Variants in LRRIQ1 observed in about 807,000 individuals in gnomAD.
LRRIQ1 encodes the protein leucine rich repeats and IQ motif containing 1, also known as leucine-rich repeat- and IQ domain-containing protein 1.
In LRRIQ1, 210 loss-of-function variants were observed where a neutral mutation model predicts 211.9. That is an observed-to-expected ratio of 0.99 (90% confidence interval 0.89 to 1.11). LRRIQ1 has a LOEUF of 1.11. LRRIQ1 is among the 50% of genes most tolerant of loss of function. The pLI is 0.00. For missense variants in LRRIQ1, 2,136 were observed against 1,939.5 expected (o/e 1.10, Z -1.90); for synonymous variants, 699 against 650.1 (o/e 1.08, Z -1.14).
At chr12:85,051,632 T>C (rs1036722963) in intron 6 of LRRIQ1, among the ~76,000 whole-genome samples, 6 of 152,208 alleles carry the variant, frequency 3.9e-5, no homozygotes, top group Non-Finnish European at 8.8e-5. Flanking sequence ...AATAAACTTA[T>C]TCTGCTAGAT....
chr12:85,152,948 T>C, intron 20 of LRRIQ1, 76 bp from the exon 21 acceptor site: 1 of 1,021,400 alleles, frequency 9.8e-7, no homozygotes. Flanking sequence ...TTTGGTAATA[T>C]GCATGTAAAA....
chr12:85,256,242 C>T (rs780698488), intron 1 of LRRIQ1, among the ~76,000 whole-genome samples: 1 of 151,582 alleles, frequency 6.6e-6, no homozygotes, highest in Non-Finnish European at 1.5e-5. Context: ...AAAAATTTAA[C>T]ATTTTTTGAC....
At chr12:85,125,174 A>G (rs1888291701) in intron 17 of LRRIQ1, among the ~76,000 whole-genome samples, 1 of 152,156 alleles carries the variant, frequency 6.6e-6, no homozygotes, top group Non-Finnish European at 1.5e-5. Context: ...GCGAGACTCC[A>G]TCTCAAAAAT....
intron 8 of LRRIQ1, among the ~76,000 whole-genome samples, chr12:85,060,008 T>G (rs1881601834): frequency 6.6e-6 from 1 of 152,016 alleles, no homozygotes; most frequent in Non-Finnish European, 1.5e-5. Context: ...TAAGACTGTT[T>G]CTAATTTTAT....
intron 24 of LRRIQ1, among the ~76,000 whole-genome samples, chr12:85,205,702 G>A (rs1165706785): frequency 6.6e-6 from 1 of 152,122 alleles, no homozygotes; most frequent in Non-Finnish European, 1.5e-5. Flanking sequence ...TTTCCAAGTA[G>A]CTTGCTTTCT....
At chr12:85,081,539 A>G (rs1421478576) in intron 11 of LRRIQ1, among the ~76,000 whole-genome samples, 2 of 151,974 alleles carry the variant, frequency 1.3e-5, no homozygotes, top group African/African-American at 2.4e-5. Context: ...AATTAAAAGT[A>G]CACACTTAAT....
intron 26 of LRRIQ1, 49 bp from the exon 27 acceptor site, chr12:85,244,740 T>A: frequency 1.3e-6 from 2 of 1,520,712 alleles, no homozygotes; most frequent in Non-Finnish European, 1.8e-6. Flanking sequence ...ATTCAGAAAA[T>A]GCCATATTTT....
At chr12:85,049,464 A>C (rs895862566) in intron 6 of LRRIQ1, among the ~76,000 whole-genome samples, 1 of 151,920 alleles carries the variant, frequency 6.6e-6, no homozygotes, top group Non-Finnish European at 1.5e-5. Context: ...TTCCTCCTCT[A>C]CTTTATATTT....
At chr12:85,161,446 A>G (rs866953430) in intron 24 of LRRIQ1, among the ~76,000 whole-genome samples, 10 of 151,902 alleles carry the variant, frequency 6.6e-5, no homozygotes, top group Non-Finnish European at 1.3e-4. Flanking sequence ...TTTTAGTATA[A>G]GTTTTTTATA....
At chr12:85,192,101 G>A (rs986304131) in intron 24 of LRRIQ1, among the ~76,000 whole-genome samples, 11 of 151,590 alleles carry the variant, frequency 7.3e-5, no homozygotes, top group Admixed American at 4.0e-4. Context: ...CAGGTAATAA[G>A]TGTAAGTATT....
At position 85,055,583 on chromosome 12, in the gene LRRIQ1, G is replaced by A. The variant is rs1197729776; in HGVS notation, c.790G>A (p.Glu264Lys). 1.3e-6 allele frequency: 2 copies of A among 1,552,612 alleles called. No homozygotes were observed. Among genetic ancestry groups the A allele is most frequent in the Admixed American group, 2.2e-5 (1 of 44,684 alleles). Residue 264 changes from glutamate (E) to lysine (K), a missense_variant, in exon 8 of 27, where the codon GAA becomes AAA. By Grantham distance (56) the Glu-to-Lys change is moderately conservative. Transcript: ENST00000393217. ...IRNLHLQMEE[E>K]RTRFKDQQEK... ...AAACTTGCATTTACAAATGGAAGAA[G>A]AAAGAACAAGATTTAAAGACCAACA...
intron 24 of LRRIQ1, among the ~76,000 whole-genome samples, chr12:85,228,170 A>G (rs1472308180): frequency 1.3e-5 from 2 of 152,184 alleles, no homozygotes; most frequent in Non-Finnish European, 2.9e-5. Context: ...AAATTGACCA[A>G]TGGGATCTAA....
chr12:85,094,342 A>C (rs996711569), intron 11 of LRRIQ1, among the ~76,000 whole-genome samples: 1 of 152,116 alleles, frequency 6.6e-6, no homozygotes, highest in Non-Finnish European at 1.5e-5. Context: ...TATATACTAA[A>C]ATGTAATAAT....
At chr12:85,085,939 C>G (rs1241318727) in intron 11 of LRRIQ1, among the ~76,000 whole-genome samples, 1 of 152,112 alleles carries the variant, frequency 6.6e-6, no homozygotes, top group Non-Finnish European at 1.5e-5. Flanking sequence ...ATTTACTTTC[C>G]TTTAACTATA....
At chr12:85,040,434 CA>C in intron 2 of LRRIQ1, 55 bp from the exon 3 acceptor site, 1 of 1,069,510 alleles carries the variant, frequency 9.4e-7, no homozygotes, top group Non-Finnish European at 1.3e-6. Flanking sequence ...CAAAATTTGA[CA>C]CATAATTTTG....
At chr12:85,096,746 T>C (rs1238023908) in intron 11 of LRRIQ1, among the ~76,000 whole-genome samples, 1 of 152,220 alleles carries the variant, frequency 6.6e-6, no homozygotes, top group Non-Finnish European at 1.5e-5. Context: ...ATCTGTCTAA[T>C]GCTATCCATG....
At position 85,098,947 on chromosome 12, in the gene LRRIQ1, T is replaced by C. The variant is rs781507342; in HGVS notation, c.3162T>C (p.Ser1054=). Residue 1054 remains serine (S), a synonymous_variant, in exon 13 of 27, where the codon TCT becomes TCC. Transcript: ENST00000393217. The part of the protein sequence containing the change: ...DNSISTVEAF[S]SYWLPLLQNI... ...GCATTTCAACTGTGGAAGCATTTTC[T>C]TCATACTGGCTGCCTTTACTACAAA... The C allele has an allele frequency of 3.2e-6, 5 of 1,576,078 alleles. No homozygotes were observed. The highest frequency in any genetic ancestry group is 4.3e-6 in the Non-Finnish European group (5 of 1,158,544).
intron 24 of LRRIQ1, among the ~76,000 whole-genome samples, chr12:85,209,569 CATCTGAGT>C (rs1443860421): frequency 3.9e-5 from 6 of 152,160 alleles, no homozygotes; most frequent in Non-Finnish European, 8.8e-5. Context: ...TTTGTAAGTT[CATCTGAGT>C]ATAGCTACAG....
At chr12:85,188,173 C>A (rs1379822154) in intron 24 of LRRIQ1, among the ~76,000 whole-genome samples, 1 of 151,790 alleles carries the variant, frequency 6.6e-6, no homozygotes. Context: ...GTAATCCTTG[C>A]AAATACATCA....
Sources: allele counts gnomAD v4.1 joint callset (sites outside exome capture counted in the v4.1 genomes callset), GRCh38; gene constraint gnomAD v4.1.1; transcripts MANE v1.5; gene names NCBI Gene and HGNC (gene_info 2026-07-23, HGNC 2026-07-21).